Variants in ERICH6 observed in about 807,000 individuals in gnomAD.
The protein encoded by ERICH6 is glutamate-rich protein 6.
Under a neutral mutation model 71.0 loss-of-function variants are expected in ERICH6, and 71 were observed. The observed-to-expected ratio is 1.00, with a 90% CI of 0.83 to 1.22. The LOEUF is 1.22. Ranked by LOEUF, ERICH6 falls within the 50% of genes most tolerant of loss-of-function variation. The pLI, the probability that ERICH6 is intolerant of heterozygous loss-of-function variation, is 0.00. For missense variants in ERICH6, 808 were observed against 797.2 expected (o/e 1.01, Z -0.16); for synonymous variants, 262 against 278.4 (o/e 0.94, Z 0.59).
chr3:150,685,478 G>C (rs779401369), intron 6 of ERICH6, among the ~76,000 whole-genome samples: 6 of 152,116 alleles, frequency 3.9e-5, no homozygotes, highest in Non-Finnish European at 8.8e-5. Flanking sequence ...TGTTGGCCCT[G>C]CCAAAACACT....
At chr3:150,701,735 A>G (rs537920497) in intron 2 of ERICH6, among the ~76,000 whole-genome samples, 125 of 152,234 alleles carry the variant, frequency 8.2e-4, no homozygotes, top group Non-Finnish European at 1.6e-3. Context: ...AATAACAAGA[A>G]AAAGAAGAGA....
intron 2 of ERICH6, among the ~76,000 whole-genome samples, chr3:150,701,267 A>G (rs1443371035): frequency 6.6e-6 from 1 of 152,224 alleles, no homozygotes. Flanking sequence ...AAATACCTCG[A>G]AGTCCTAAAT....
rs575757810 is a variant in ERICH6 at position 150,660,931 on chromosome 3, G to A, written c.1729-776C>T. ...CACTCCTCCTTCCATAGAAAGGAAGGAATAGAGGAAGGAAAGAGTATGAGA... is the reference window on the plus strand; with the variant it reads ...CACTCCTCCTTCCATAGAAAGGAAGAAATAGAGGAAGGAAAGAGTATGAGA... On this transcript the variant is annotated intron_variant, in intron 13 of 13. Coordinates refer to ENST00000295910, the MANE Select transcript of ERICH6 (RefSeq NM_152394.5). Among the ~76,000 whole-genome samples the A allele has an allele frequency of 2.6e-3, 403 of 152,348 alleles. 2 individuals carry two copies. The highest frequency in any genetic ancestry group is 9.5e-3 in the African/African-American group (395 of 41,580).
At chr3:150,691,263 A>G (rs138837588) in intron 3 of ERICH6, among the ~76,000 whole-genome samples, 26 of 152,350 alleles carry the variant, frequency 1.7e-4, no homozygotes, top group African/African-American at 5.8e-4. Context: ...TTTAGAATCT[A>G]AAGTTAAATT....
At chr3:150,686,051 T>A (rs367905741) in intron 4 of ERICH6, 30 bp from the exon 5 acceptor site, 2 of 1,559,452 alleles carry the variant, frequency 1.3e-6, no homozygotes, top group Non-Finnish European at 1.8e-6. Context: ...TCATAAGAAA[T>A]GTTTAAAGCC....
At chr3:150,702,873 C>T (rs535850465) in intron 1 of ERICH6, among the ~76,000 whole-genome samples, 2 of 132,384 alleles carry the variant, frequency 1.5e-5, no homozygotes, top group African/African-American at 5.7e-5. Flanking sequence ...TAAGGCACTT[C>T]TCTGGAAATA....
chr3:150,677,726 G>C (rs1387811132), intron 10 of ERICH6, among the ~76,000 whole-genome samples: 2 of 152,146 alleles, frequency 1.3e-5, no homozygotes, highest in East Asian at 3.9e-4. Context: ...TGAATTCCTG[G>C]ATTCCAGCAA....
At chr3:150,702,421 C>A (rs1386707706) in intron 1 of ERICH6, among the ~76,000 whole-genome samples, 1 of 152,086 alleles carries the variant, frequency 6.6e-6, no homozygotes, top group Non-Finnish European at 1.5e-5. Context: ...GGACTACAGG[C>A]GCACGCCGCC....
At position 150,678,466 on chromosome 3, in the gene ERICH6, T is replaced by C; in HGVS notation, c.1200A>G (p.Gln400=). ...TGATAGACATGTTACTGTTTCTTAG[T>C]TGAAAATCAAATACAATGTCATCAA... ...QIIDDIVFDF[Q]LRNSNMSIIC... is the part of the protein sequence containing the mutation. Residue 400 remains glutamine (Q), a synonymous_variant, in exon 10 of 14, where the codon CAA becomes CAG. Coordinates refer to ENST00000295910, the MANE Select transcript of ERICH6 (RefSeq NM_152394.5). The C allele has an allele frequency of 2.5e-6, 4 of 1,604,814 alleles. No individual in the cohort carries two copies. Among genetic ancestry groups the C allele is most frequent in the Non-Finnish European group, 3.4e-6 (4 of 1,177,584 alleles).
chr3:150,664,305 C>T (rs1727322072), intron 13 of ERICH6, among the ~76,000 whole-genome samples: 1 of 151,904 alleles, frequency 6.6e-6, no homozygotes, highest in South Asian at 2.1e-4. Context: ...ATAGGAACCC[C>T]CATCAACAAT....
chr3:150,682,577 TC>T (rs1712013573), intron 6 of ERICH6, among the ~76,000 whole-genome samples: 3 of 152,176 alleles, frequency 2.0e-5, no homozygotes, highest in Admixed American at 2.0e-4. Context: ...CAGAATGCCT[TC>T]CTGGTATAAG....
At chr3:150,693,967 T>C (rs914995368) in intron 3 of ERICH6, among the ~76,000 whole-genome samples, 3 of 152,194 alleles carry the variant, frequency 2.0e-5, no homozygotes, top group African/African-American at 7.2e-5. Flanking sequence ...CTAGAAAACT[T>C]AAACTTCAGA....
chr3:150,687,389 A>T (rs971406926), intron 3 of ERICH6, among the ~76,000 whole-genome samples: 10 of 152,310 alleles, frequency 6.6e-5, no homozygotes, highest in African/African-American at 2.2e-4. Context: ...CAGAAGATAA[A>T]ACTGTAGATA....
chr3:150,676,756 C>T (rs552676769), intron 10 of ERICH6, among the ~76,000 whole-genome samples: 1 of 152,174 alleles, frequency 6.6e-6, no homozygotes, highest in South Asian at 2.1e-4. Flanking sequence ...CCTGCCTCAA[C>T]CTCCCAAGTA....
In ERICH6 at chr3:150,682,238, A is replaced by G; in HGVS notation, c.862T>C (p.Ser288Pro). The part of the protein sequence containing the change: ...LRAFFSNVDV[S>P]SEPKGHASCC... Reference sequence around the variant, plus strand: ...CTTACATGCCCTTTTGGTTCAGAGGAAACATCCACATTAGAAAAAAATGCT... The same window carrying G: ...CTTACATGCCCTTTTGGTTCAGAGGGAACATCCACATTAGAAAAAAATGCT... Residue 288 changes from serine (S) to proline (P), a missense_variant, in exon 7 of 14, where the codon TCC (serine) becomes CCC (proline). This residue lies in a region of ERICH6 where 736 missense variants were observed against 712.2 expected (regional missense o/e 1.03). Transcript: ENST00000295910. 1 of 1,613,980 alleles carries G rather than the reference A, an allele frequency of 6.2e-7. No homozygotes were observed. The highest frequency in any genetic ancestry group is 1.3e-5 in the African/African-American group (1 of 75,038).
chr3:150,702,029 C>G, intron 2 of ERICH6, 92 bp downstream of exon 2: 1 of 869,188 alleles, frequency 1.2e-6, no homozygotes, highest in Non-Finnish European at 1.8e-6. Context: ...CACAAATGCC[C>G]TGGATTATTT....
chr3:150,689,962 T>C (rs1278166399), intron 3 of ERICH6, among the ~76,000 whole-genome samples: 1 of 152,210 alleles, frequency 6.6e-6, no homozygotes, highest in Non-Finnish European at 1.5e-5. Context: ...CAACAGAGGT[T>C]ACTCTTGGGT....
intron 8 of ERICH6, 60 bp downstream of exon 8, chr3:150,680,713 C>A: frequency 6.4e-7 from 1 of 1,562,874 alleles, no homozygotes. Context: ...GGTTCATTTA[C>A]AAAACGAGCT....
intron 3 of ERICH6, among the ~76,000 whole-genome samples, chr3:150,687,395 A>G (rs977938425): frequency 6.6e-6 from 1 of 152,252 alleles, no homozygotes; most frequent in Non-Finnish European, 1.5e-5. Flanking sequence ...ATAAAACTGT[A>G]GATAAGAGGG....
Sources: allele counts gnomAD v4.1 joint callset (sites outside exome capture counted in the v4.1 genomes callset), GRCh38; gene constraint gnomAD v4.1.1; regional missense constraint gnomAD v4.1.1; transcripts MANE v1.5; gene names NCBI Gene and HGNC (gene_info 2026-07-23, HGNC 2026-07-21).